Variants in PRKN observed in about 807,000 individuals in gnomAD.
PRKN encodes E3 ubiquitin-protein ligase parkin.
PRKN carries 56 observed loss-of-function variants against 59.5 expected under a neutral mutation model. The observed-to-expected ratio is 0.94, with a 90% CI of 0.76 to 1.18. The LOEUF (loss-of-function observed/expected upper bound fraction) is 1.18, where lower values mean the gene tolerates loss of function less well. Ranked by LOEUF, PRKN falls within the 50% of genes most tolerant of loss-of-function variation. The pLI is 0.00. For synonymous variants in PRKN, 250 were observed against 222.1 expected (o/e 1.13, Z -1.12); for missense variants, 657 against 596.4 (o/e 1.10, Z -1.06).
intron 2 of PRKN, among the ~76,000 whole-genome samples, chr6:162,387,555 CAGAGAGAGAGAGAGAGAGAG>C (rs60548327): frequency 3.2e-3 from 305 of 95,632 alleles, no homozygotes; most frequent in Non-Finnish European, 4.3e-3. Flanking sequence ...CACACACACA[CAGAGAGAGAGAGAGAGAGAG>C]AGAGAGAGAG....
chr6:161,616,760 A>C (rs1782713937), intron 7 of PRKN, among the ~76,000 whole-genome samples: 3 of 152,114 alleles, frequency 2.0e-5, no homozygotes, highest in African/African-American at 7.2e-5. Context: ...TAAGGCTGCA[A>C]AGTATTCCAT....
intron 6 of PRKN, among the ~76,000 whole-genome samples, chr6:161,962,084 G>A (rs954591606): frequency 6.6e-6 from 1 of 152,156 alleles, no homozygotes; most frequent in Non-Finnish European, 1.5e-5. Flanking sequence ...TTTGCACTCC[G>A]GGTGTCTGAA....
rs1334926294 is a variant in PRKN, at chr6:162,538,529, G to T, written c.8-95056C>A. Among the ~76,000 whole-genome samples, 4 of 152,150 alleles carry T rather than the reference G, an allele frequency of 2.6e-5. No individual in the cohort carries two copies. The East Asian group carries it at 7.7e-4, about 29-fold the overall frequency. On this transcript the variant is annotated intron_variant, in intron 1 of 11. Coordinates refer to ENST00000366898, the MANE Select transcript of PRKN (RefSeq NM_004562.3). ...ATGAAAAACAAGTGGCAGAAAGTTT[G>T]GTGTGCTATGTGGTGCAGAAATTCA...
intron 1 of PRKN, among the ~76,000 whole-genome samples, chr6:162,666,177 A>G (rs553634259): frequency 1.3e-5 from 2 of 152,286 alleles, no homozygotes; most frequent in African/African-American, 4.8e-5. Context: ...TAAGATGTCT[A>G]TAAGAAAAGA....
At chr6:162,010,258 A>G (rs1170032295) in intron 5 of PRKN, among the ~76,000 whole-genome samples, 1 of 129,632 alleles carries the variant, frequency 7.7e-6, no homozygotes, top group African/African-American at 2.9e-5. Context: ...TACATAATAT[A>G]TATTTTATAT....
At chr6:162,589,313 C>G (rs574081874) in intron 1 of PRKN, among the ~76,000 whole-genome samples, 26 of 152,150 alleles carry the variant, frequency 1.7e-4, no homozygotes, top group South Asian at 8.3e-4. Flanking sequence ...TTCAATCTCT[C>G]TCTCTCTCTC....
intron 1 of PRKN, among the ~76,000 whole-genome samples, chr6:162,699,979 C>T (rs1240556138): frequency 6.6e-6 from 1 of 152,168 alleles, no homozygotes; most frequent in East Asian, 1.9e-4. Context: ...TGAACTTCAT[C>T]CCAAAATGAA....
At chr6:162,142,672 G>C (rs1210695885) in intron 4 of PRKN, among the ~76,000 whole-genome samples, 1 of 152,150 alleles carries the variant, frequency 6.6e-6, no homozygotes, top group Non-Finnish European at 1.5e-5. Context: ...GACCAAAATA[G>C]AGTAAACAAA....
At chr6:162,563,737 A>G (rs1021963840) in intron 1 of PRKN, among the ~76,000 whole-genome samples, 3 of 152,230 alleles carry the variant, frequency 2.0e-5, no homozygotes, top group African/African-American at 7.2e-5. Context: ...AATTCAAAAT[A>G]GCTGTGCTAA....
At chr6:161,943,255 T>C (rs1261568360) in intron 6 of PRKN, among the ~76,000 whole-genome samples, 1 of 152,214 alleles carries the variant, frequency 6.6e-6, no homozygotes, top group East Asian at 1.9e-4. Context: ...AAGCTGAAAA[T>C]AATTCTGTCA....
intron 6 of PRKN, among the ~76,000 whole-genome samples, chr6:161,960,789 A>T (rs1780349884): frequency 6.6e-6 from 1 of 152,200 alleles, no homozygotes; most frequent in Non-Finnish European, 1.5e-5. Context: ...TAAGAACAGC[A>T]ATACCAACTC....
At position 161,468,526 on chromosome 6, in the gene PRKN, T is replaced by C. The variant is rs1790600414; in HGVS notation, c.1083+80328A>G. 6.6e-6 allele frequency among the ~76,000 whole-genome samples: 1 copy of C among 152,184 alleles called. No homozygotes were observed. Among genetic ancestry groups the C allele is most frequent in the Non-Finnish European group, 1.5e-5 (1 of 68,024 alleles). ...TTATTGACATGTGCTTATTAACATG[T>C]TTAGAAACTTAAAAATGCATTCATC... On this transcript the variant is annotated intron_variant, in intron 9 of 11. Transcript: ENST00000366898. This position sits in a 1 kb window ranked among gnomAD's most constrained non-coding sequence, Gnocchi z 5.9.
intron 1 of PRKN, among the ~76,000 whole-genome samples, chr6:162,542,886 G>A (rs181782845): frequency 3.3e-5 from 5 of 152,152 alleles, no homozygotes; most frequent in Admixed American, 3.3e-4. Flanking sequence ...CTGTAGCGGG[G>A]GGCTCACTGC....
intron 2 of PRKN, among the ~76,000 whole-genome samples, chr6:162,439,165 C>T (rs183310803): frequency 1.5e-4 from 23 of 152,180 alleles, no homozygotes; most frequent in Admixed American, 1.1e-3. Flanking sequence ...AGGATAGGGC[C>T]GCAGTTTTTC....
chr6:162,073,097 T>C (rs112446962), intron 4 of PRKN, among the ~76,000 whole-genome samples: 28 of 152,144 alleles, frequency 1.8e-4, no homozygotes, highest in African/African-American at 5.6e-4. Flanking sequence ...ACAAATGAGC[T>C]AATTAATGTG....
At chr6:161,622,519 G>A (rs1421069223) in intron 7 of PRKN, among the ~76,000 whole-genome samples, 1 of 152,122 alleles carries the variant, frequency 6.6e-6, no homozygotes, top group East Asian at 1.9e-4. Flanking sequence ...AGAGCCACAA[G>A]CCCTCACCTC....
intron 1 of PRKN, among the ~76,000 whole-genome samples, chr6:162,722,933 A>G (rs571138951): frequency 2.6e-5 from 4 of 152,310 alleles, no homozygotes; most frequent in African/African-American, 9.6e-5. Flanking sequence ...AGTAGAGCCT[A>G]TTTTTGACAC....
intron 9 of PRKN, among the ~76,000 whole-genome samples, chr6:161,392,306 C>A (rs967158610): frequency 5.9e-5 from 9 of 151,768 alleles, no homozygotes; most frequent in Admixed American, 2.0e-4. Flanking sequence ...ACCGTTTGAA[C>A]CCTGGAGGCG....
At chr6:161,808,171 C>T (rs1214418083) in intron 6 of PRKN, among the ~76,000 whole-genome samples, 4 of 152,032 alleles carry the variant, frequency 2.6e-5, no homozygotes, top group South Asian at 2.1e-4. Flanking sequence ...TCATCACAGA[C>T]CCCTCATATT....
Sources: allele counts gnomAD v4.1 joint callset (sites outside exome capture counted in the v4.1 genomes callset), GRCh38; gene constraint gnomAD v4.1.1; non-coding constraint Gnocchi (gnomAD v3.1); transcripts MANE v1.5; gene names NCBI Gene and HGNC (gene_info 2026-07-23, HGNC 2026-07-21).